Variants in KCNMA1 observed in about 807,000 individuals in gnomAD.
KCNMA1 encodes the protein Calcium-activated potassium channel subunit alpha-1.
A neutral mutation model predicts 140.0 loss-of-function variants in KCNMA1; 29 were observed. The observed-to-expected ratio is 0.21, with a 90% CI of 0.15 to 0.28. The LOEUF (loss-of-function observed/expected upper bound fraction) is 0.28. Ranked by LOEUF, KCNMA1 falls within the 10% of genes least tolerant of loss-of-function variation. The probability of loss-of-function intolerance (pLI) is 1.00; values close to 1 mark genes in which losing one functional copy is unlikely to be tolerated. For synonymous variants in KCNMA1, 612 were observed against 611.9 expected (o/e 1.00, Z 0.00); for missense variants, 880 against 1,602.2 (o/e 0.55, Z 7.70).
intron 1 of KCNMA1, among the ~76,000 whole-genome samples, chr10:77,577,710 C>G (rs1013624454): frequency 3.3e-5 from 5 of 152,166 alleles, no homozygotes; most frequent in Non-Finnish European, 7.3e-5. Flanking sequence ...GGACAAAGAG[C>G]TTGGGTAACT....
intron 2 of KCNMA1, among the ~76,000 whole-genome samples, chr10:77,283,803 T>C (rs1417398194): frequency 6.6e-6 from 1 of 152,178 alleles, no homozygotes; most frequent in Admixed American, 6.5e-5. Flanking sequence ...CAGGTATCCA[T>C]TCATAATCAT....
intron 6 of KCNMA1, among the ~76,000 whole-genome samples, chr10:77,120,165 G>A (rs545958781): frequency 6.6e-6 from 1 of 152,324 alleles, no homozygotes; most frequent in African/African-American, 2.4e-5. Flanking sequence ...TTCTTAGAGT[G>A]TAATTTCCTA....
At chr10:77,410,469 C>T (rs561813016) in intron 1 of KCNMA1, among the ~76,000 whole-genome samples, 103 of 152,344 alleles carry the variant, frequency 6.8e-4, no homozygotes, top group South Asian at 4.8e-3. Flanking sequence ...AAGTCTGCCT[C>T]GGGTTTAACT....
At chr10:77,455,741 A>G (rs1357857440) in intron 1 of KCNMA1, among the ~76,000 whole-genome samples, 2 of 152,104 alleles carry the variant, frequency 1.3e-5, no homozygotes, top group Non-Finnish European at 2.9e-5. Flanking sequence ...CTGAGAAATG[A>G]CCAGCCCCTG....
intron 16 of KCNMA1, among the ~76,000 whole-genome samples, chr10:77,022,165 G>A (rs1280818257): frequency 6.6e-6 from 1 of 152,002 alleles, no homozygotes; most frequent in African/African-American, 2.4e-5. Context: ...CCAATGTTAA[G>A]TTTGTTTTGT....
At chr10:77,510,224 G>A (rs576871653) in intron 1 of KCNMA1, among the ~76,000 whole-genome samples, 21 of 152,016 alleles carry the variant, frequency 1.4e-4, no homozygotes, top group African/African-American at 4.6e-4. Flanking sequence ...ATTGGGTGAT[G>A]GTATCAGGTT....
chr10:77,403,781 G>C, intron 2 of KCNMA1, 81 bp downstream of exon 2: 3 of 1,402,324 alleles, frequency 2.1e-6, no homozygotes, highest in Admixed American at 1.9e-5. Flanking sequence ...GAAGACCCTG[G>C]GGAATATCAC....
At chr10:77,157,241 A>C (rs1476992629) in intron 5 of KCNMA1, among the ~76,000 whole-genome samples, 3 of 152,154 alleles carry the variant, frequency 2.0e-5, no homozygotes, top group Admixed American at 6.5e-5. Context: ...GGAATTCAAA[A>C]CCATCCTGGC....
chr10:77,537,907 C>A (rs1024906082), intron 1 of KCNMA1, among the ~76,000 whole-genome samples: 18 of 151,982 alleles, frequency 1.2e-4, no homozygotes, highest in African/African-American at 4.4e-4. Context: ...TGGGCTTCCA[C>A]GCCCGTTATG....
chr10:76,901,250 G>C (rs376982050), intron 25 of KCNMA1: 9 of 152,190 alleles, frequency 5.9e-5, no homozygotes, highest in East Asian at 5.8e-4. Context: ...CTTATCCTTG[G>C]TGTTGGAAAC....
chr10:77,160,125 T>C (rs67764156), intron 5 of KCNMA1, among the ~76,000 whole-genome samples: 22,251 of 152,166 alleles, frequency 0.15, 2,002 homozygotes, highest in African/African-American at 0.25. Context: ...CCTGTTCCCC[T>C]GCTCTTCTCC....
intron 1 of KCNMA1, among the ~76,000 whole-genome samples, chr10:77,442,641 T>A (rs543794999): frequency 1.8e-3 from 275 of 152,152 alleles, no homozygotes; most frequent in African/African-American, 6.4e-3. Flanking sequence ...CAGGTAAAGG[T>A]TGTCATCTAG....
At chr10:77,459,570 G>A (rs568863191) in intron 1 of KCNMA1, among the ~76,000 whole-genome samples, 8 of 152,312 alleles carry the variant, frequency 5.3e-5, no homozygotes, top group Middle Eastern at 3.4e-3. Context: ...GAGACTGAGC[G>A]TCCCCATTAG....
chr10:77,219,840 T>C (rs1402623368), intron 3 of KCNMA1, among the ~76,000 whole-genome samples: 1 of 152,198 alleles, frequency 6.6e-6, no homozygotes, highest in Non-Finnish European at 1.5e-5. Flanking sequence ...ACTACTGGTT[T>C]GTTTCTCATC....
intron 22 of KCNMA1, among the ~76,000 whole-genome samples, chr10:76,948,125 C>T (rs2064892944): frequency 6.6e-6 from 1 of 152,144 alleles, no homozygotes; most frequent in Admixed American, 6.5e-5. Flanking sequence ...CCAACTCAGC[C>T]TCTCAAGTAG....
intron 1 of KCNMA1, among the ~76,000 whole-genome samples, chr10:77,410,084 A>G (rs535902371): frequency 1.3e-5 from 2 of 152,284 alleles, no homozygotes; most frequent in East Asian, 3.9e-4. Context: ...CCTGTGCCAC[A>G]AAGCCAGAGC....
intron 20 of KCNMA1, among the ~76,000 whole-genome samples, chr10:76,969,401 T>C (rs1050182543): frequency 6.6e-6 from 1 of 152,126 alleles, no homozygotes; most frequent in Non-Finnish European, 1.5e-5. Flanking sequence ...TGAGCAGAAC[T>C]GGATTACTTT....
At chr10:77,422,142 A>G (rs1240829928) in intron 1 of KCNMA1, among the ~76,000 whole-genome samples, 1 of 152,204 alleles carries the variant, frequency 6.6e-6, no homozygotes, top group African/African-American at 2.4e-5. Context: ...CTTTAACCCA[A>G]AATATCTGCC....
chr10:76,920,761 C>G (rs1288382731), intron 23 of KCNMA1, among the ~76,000 whole-genome samples: 1 of 152,216 alleles, frequency 6.6e-6, no homozygotes, highest in Non-Finnish European at 1.5e-5. Flanking sequence ...GTGCCGCATC[C>G]CTGACTTGGG....
Sources: gnomAD v4.1 joint callset for allele counts (sites outside exome capture counted in the v4.1 genomes callset) on GRCh38, gnomAD v4.1.1 for gene constraint, MANE v1.5 for transcripts, NCBI Gene and HGNC (gene_info 2026-07-23, HGNC 2026-07-21) for gene names.